Variants in HERC1 observed in about 807,000 individuals in gnomAD.
The protein encoded by HERC1 is HECT and RLD domain containing E3 ubiquitin protein ligase family member 1, also known as probable E3 ubiquitin-protein ligase HERC1.
A neutral mutation model predicts 554.3 loss-of-function variants in HERC1; 160 were observed. That is an observed-to-expected ratio of 0.29 (90% CI 0.25 to 0.33). The LOEUF (loss-of-function observed/expected upper bound fraction) is 0.33, where lower values mean the gene tolerates loss of function less well. Among genes scored for constraint, HERC1 ranks in the 10% least tolerant of loss-of-function variants. HERC1 has a pLI of 1.00. For synonymous variants in HERC1, 2,175 were observed against 2,131.7 expected, an observed-to-expected ratio of 1.02 and a Z score of -0.56; for missense variants, 4,919 against 5,918.5, an observed-to-expected ratio of 0.83 and a Z score of 5.54.
At chr15:63,645,367 TAAG>T in intron 56 of HERC1, 113 bp downstream of exon 56, 1 of 761,634 alleles carries the variant, frequency 1.3e-6, no homozygotes, top group Non-Finnish European at 2.1e-6. Context: ...TTACACATTA[TAAG>T]AATAGCAACT....
At chr15:63,644,180 C>T (rs1274835579) in intron 57 of HERC1, among the ~76,000 whole-genome samples, 4 of 152,180 alleles carry the variant, frequency 2.6e-5, no homozygotes, top group Admixed American at 2.6e-4. Flanking sequence ...CTCCTTCTTC[C>T]TTTTAGTTAT....
At chr15:63,611,863 T>C (rs376400003) in intron 77 of HERC1, among the ~76,000 whole-genome samples, 20 of 152,342 alleles carry the variant, frequency 1.3e-4, no homozygotes, top group East Asian at 3.9e-4. Flanking sequence ...TTGAGGGTCA[T>C]AGTTTGTTTT....
In HERC1 at chr15:63,707,650, C is replaced by T. The variant is rs532158835; in HGVS notation, c.4585-819G>A. Reference sequence around the variant, plus strand: ...AGGCCCGGAAGTGACAAAACAAGGCCGGGAGTGGTGGCTCACACCTGTAAT... The same window carrying T: ...AGGCCCGGAAGTGACAAAACAAGGCTGGGAGTGGTGGCTCACACCTGTAAT... On this transcript the variant is annotated intron_variant, in intron 24 of 77. Coordinates refer to ENST00000443617, the MANE Select transcript of HERC1 (RefSeq NM_003922.4). Among the ~76,000 whole-genome samples the T allele has an allele frequency of 3.3e-5, 5 of 152,144 alleles. No individual in the cohort carries two copies. The South Asian group carries it at 6.2e-4, about 19-fold the overall frequency.
intron 7 of HERC1, among the ~76,000 whole-genome samples, chr15:63,753,786 T>A (rs1447693817): frequency 6.6e-6 from 1 of 152,112 alleles, no homozygotes; most frequent in Non-Finnish European, 1.5e-5. Flanking sequence ...TACTCAACAA[T>A]AAGAAACTGG....
chr15:63,827,109 C>G (rs1008270765), intron 1 of HERC1, among the ~76,000 whole-genome samples: 1 of 152,040 alleles, frequency 6.6e-6, no homozygotes, highest in Non-Finnish European at 1.5e-5. Context: ...TAAGAAACAT[C>G]TACACAGTCA....
intron 12 of HERC1, among the ~76,000 whole-genome samples, chr15:63,744,944 C>G (rs2075001358): frequency 1.3e-5 from 2 of 152,190 alleles, no homozygotes; most frequent in Non-Finnish European, 2.9e-5. Context: ...ATTCACAGCC[C>G]ATGGGCTCTT....
intron 3 of HERC1, among the ~76,000 whole-genome samples, chr15:63,763,032 C>G (rs531804097): frequency 6.6e-6 from 1 of 152,314 alleles, no homozygotes; most frequent in African/African-American, 2.4e-5. Context: ...CCACCTATTT[C>G]TTTGTTGGAT....
At chr15:63,703,097 G>A (rs368979977) in intron 25 of HERC1, among the ~76,000 whole-genome samples, 57 of 140,610 alleles carry the variant, frequency 4.1e-4, no homozygotes, top group Non-Finnish European at 5.2e-4. Context: ...GCTACAGAGC[G>A]AGACTCTGTC....
In HERC1 at chr15:63,713,494, G is replaced by T. The variant is rs761205207; in HGVS notation, c.4322C>A (p.Ala1441Glu). The T allele has an allele frequency of 6.2e-7, 1 of 1,613,974 alleles. No homozygotes were observed. Among genetic ancestry groups the T allele is most frequent in the South Asian group, 1.1e-5 (1 of 91,080 alleles). The change falls in exon 23 of 78, where the codon GCA (alanine) becomes GAA (glutamate). Residue 1441 changes from alanine (A) to glutamate (E), a missense_variant. By Grantham distance (107) the Ala-to-Glu change is moderately radical. This residue lies in a region of HERC1 where 1,121 missense variants were observed against 1,244.0 expected (regional missense o/e 0.90). Coordinates refer to ENST00000443617, the MANE Select transcript of HERC1 (RefSeq NM_003922.4). ...LPEGQDVYTA[A>E]CNSVIHRCAL... ...ACACCGATGGATCACGGAGTTGCATGCAGCAGTGTACACATCCTGACCCTC... is the reference window on the plus strand; with the variant it reads ...ACACCGATGGATCACGGAGTTGCATTCAGCAGTGTACACATCCTGACCCTC...
intron 2 of HERC1, among the ~76,000 whole-genome samples, chr15:63,765,045 C>T (rs1382226051): frequency 2.0e-5 from 3 of 152,108 alleles, no homozygotes; most frequent in African/African-American, 7.2e-5. Context: ...ATTAAGCTGA[C>T]GGCTGACTTA....
chr15:63,690,505 T>C (rs768207327), intron 32 of HERC1, 36 bp downstream of exon 32: 10 of 1,407,602 alleles, frequency 7.1e-6, no homozygotes, highest in South Asian at 1.2e-5. Context: ...TTTGCAAATA[T>C]GGAAAACATC....
intron 52 of HERC1, 80 bp downstream of exon 52, chr15:63,652,334 G>T: frequency 7.5e-7 from 1 of 1,334,396 alleles, no homozygotes; most frequent in Non-Finnish European, 1.0e-6. Context: ...GTGACAATAT[G>T]ATTACATTAA....
At position 63,729,303 on chromosome 15, in the gene HERC1, A is replaced by T; in HGVS notation, c.3087T>A (p.Ile1029=). ...LQLLLPHATD[I]YSRSANLLKE... ...TGAGCAAATTTGCAGAACGTGAATA[A>T]ATATCTGTGGCATGAGGCAACAAAA... Residue 1029 remains isoleucine (I), a synonymous_variant, in exon 16 of 78, where the codon ATT becomes ATA. Coordinates refer to ENST00000443617, the MANE Select transcript of HERC1 (RefSeq NM_003922.4). The T allele has an allele frequency of 6.2e-7, 1 of 1,611,988 alleles. No homozygotes were observed. The highest frequency in any genetic ancestry group is 8.5e-7 in the Non-Finnish European group (1 of 1,179,014).
intron 1 of HERC1, among the ~76,000 whole-genome samples, chr15:63,824,933 G>A (rs1317400814): frequency 6.6e-6 from 1 of 152,052 alleles, no homozygotes; most frequent in Non-Finnish European, 1.5e-5. Flanking sequence ...CTAGAACAGT[G>A]GCTAGGAGAG....
chr15:63,713,959 C>T (rs8024509), intron 22 of HERC1, among the ~76,000 whole-genome samples: 13 of 152,060 alleles, frequency 8.5e-5, no homozygotes, highest in African/African-American at 2.7e-4. Context: ...TTTCAACGTA[C>T]GGTCCCAGAC....
chr15:63,657,420 T>G (rs2070105891), intron 48 of HERC1, among the ~76,000 whole-genome samples: 1 of 152,176 alleles, frequency 6.6e-6, no homozygotes, highest in South Asian at 2.1e-4. Context: ...TTTTCATGTT[T>G]ATTGGCCATT....
intron 2 of HERC1, among the ~76,000 whole-genome samples, chr15:63,772,029 G>T (rs1405284231): frequency 6.6e-6 from 1 of 152,008 alleles, no homozygotes; most frequent in African/African-American, 2.4e-5. Flanking sequence ...GGCTGAGGCA[G>T]GAGAATCACT....
intron 76 of HERC1, among the ~76,000 whole-genome samples, chr15:63,614,386 C>T (rs1013041983): frequency 2.6e-5 from 4 of 152,170 alleles, no homozygotes; most frequent in Admixed American, 1.3e-4. Context: ...CCATGGCTGG[C>T]GTGCAGAAGG....
chr15:63,612,082 G>A lies in HERC1; in HGVS notation c.14400+169C>T, dbSNP rs1434023482. On this transcript the variant is annotated intron_variant, in intron 77 of 77. Transcript: ENST00000443617. The surrounding 1 kb of genome is among the most constrained non-coding windows in gnomAD (Gnocchi z 5.0). ...ACGCACCTGTAGTCCCAGCTACTGC[G>A]GAGGCTGAGGCAGGAGAACTGCTTG... 3.3e-5 allele frequency among the ~76,000 whole-genome samples: 5 copies of A among 152,344 alleles called. No individual in the cohort carries two copies. Among genetic ancestry groups the A allele is most frequent in the African/African-American group, 7.2e-5 (3 of 41,580 alleles).
Sources: gnomAD v4.1 joint callset for allele counts (sites outside exome capture counted in the v4.1 genomes callset) on GRCh38, gnomAD v4.1.1 for gene constraint, gnomAD v4.1.1 regional missense constraint, Gnocchi (gnomAD v3.1) non-coding constraint, MANE v1.5 for transcripts, NCBI Gene and HGNC (gene_info 2026-07-23, HGNC 2026-07-21) for gene names.